Variants in ETNK1 observed in about 807,000 individuals in gnomAD.
ETNK1 encodes ethanolamine kinase 1.
ETNK1 carries 8 observed loss-of-function variants against 45.1 expected under a neutral mutation model. That is an observed-to-expected ratio of 0.18 (90% confidence interval 0.10 to 0.32). ETNK1 has a LOEUF of 0.32. Ranked by LOEUF, ETNK1 falls within the 10% of genes least tolerant of loss-of-function variation. The probability of loss-of-function intolerance (pLI) is 1.00; values close to 1 mark genes in which losing one functional copy is unlikely to be tolerated. For synonymous variants in ETNK1, 152 were observed against 151.9 expected, an observed-to-expected ratio of 1.00 and a Z score of -0.01; for missense variants, 302 against 430.6, an observed-to-expected ratio of 0.70 and a Z score of 2.64.
At chr12:22,637,456 T>C (rs1953670273) in intron 1 of ETNK1, among the ~76,000 whole-genome samples, 1 of 152,180 alleles carries the variant, frequency 6.6e-6, no homozygotes, top group Non-Finnish European at 1.5e-5. Context: ...TTAGAATTCT[T>C]TGTTCAAGTA....
At chr12:22,655,576 A>G (rs1249244068) in intron 2 of ETNK1, among the ~76,000 whole-genome samples, 1 of 152,124 alleles carries the variant, frequency 6.6e-6, no homozygotes, top group African/African-American at 2.4e-5. Flanking sequence ...ACCTCAGGTG[A>G]TCTACCTGCC....
At chr12:22,661,505 T>C (rs1953998805) in intron 4 of ETNK1, among the ~76,000 whole-genome samples, 1 of 152,194 alleles carries the variant, frequency 6.6e-6, no homozygotes, top group South Asian at 2.1e-4. Flanking sequence ...GCAAAACTTA[T>C]TTGGTTATTC....
At chr12:22,682,303 T>C (rs753692682) in intron 6 of ETNK1, 2 of 495,134 alleles carry the variant, frequency 4.0e-6, no homozygotes, top group Non-Finnish European at 8.0e-6. Context: ...AATTTTATCA[T>C]TGGCAACAAA....
In ETNK1 at chr12:22,689,401, C is replaced by A. The variant is rs774826485; in HGVS notation, c.*4447C>A. 6.6e-6 allele frequency: 1 copy of A among 151,834 alleles called. No individual in the cohort carries two copies. The highest frequency in any genetic ancestry group is 1.5e-5 in the Non-Finnish European group (1 of 67,788). The allele number at this position is 151,834 out of a possible 1,614,324, so 9.4% of individuals were successfully genotyped here. ...GGGTTAAAAATATTGTATCTGTATT[C>A]ATTGTGAATCCTGTAGCTTTTCTAG... On this transcript the variant is annotated 3_prime_UTR_variant, in exon 8 of 8. Coordinates refer to ENST00000266517, the MANE Select transcript of ETNK1 (RefSeq NM_018638.5).
chr12:22,684,592 C>T, intron 7 of ETNK1, 36 bp downstream of exon 7: 1 of 1,341,692 alleles, frequency 7.5e-7, no homozygotes, highest in Non-Finnish European at 1.1e-6. Context: ...ACATTGGTCT[C>T]TGCTTTTGTT....
At chr12:22,659,743 T>G (rs1319189370) in intron 3 of ETNK1, among the ~76,000 whole-genome samples, 1 of 152,132 alleles carries the variant, frequency 6.6e-6, no homozygotes, top group East Asian at 1.9e-4. Flanking sequence ...GCTGCTGTTT[T>G]AAAAATTACT....
chr12:22,673,736 A>G, intron 6 of ETNK1, 76 bp downstream of exon 6: 1 of 1,368,368 alleles, frequency 7.3e-7, no homozygotes, highest in Non-Finnish European at 1.0e-6. Flanking sequence ...GTCATCTTAG[A>G]CAATTTCCTA....
intron 2 of ETNK1, among the ~76,000 whole-genome samples, chr12:22,653,681 A>G (rs1276325553): frequency 1.3e-5 from 2 of 152,010 alleles, no homozygotes; most frequent in Non-Finnish European, 2.9e-5. Context: ...AGTGCAACTG[A>G]TTTTTGCGTA....
chr12:22,687,132 T>G lies in ETNK1; in HGVS notation c.*2178T>G, dbSNP rs1954266955. Reference sequence around the variant, plus strand: ...AGCTCTGGGACTATGCAGTGGATCTTGGGAACAAAATAAGATATCTAATCT... The same window carrying G: ...AGCTCTGGGACTATGCAGTGGATCTGGGGAACAAAATAAGATATCTAATCT... On this transcript the variant is annotated 3_prime_UTR_variant, in exon 8 of 8. Transcript: ENST00000266517. 6.6e-6 allele frequency: 1 copy of G among 151,746 alleles called. No individual in the cohort carries two copies. Among genetic ancestry groups the G allele is most frequent in the South Asian group, 2.1e-4 (1 of 4,818 alleles). The allele number at this position is 151,746 out of a possible 1,614,324, so 9.4% of individuals were successfully genotyped here.
At chr12:22,671,649 T>C (rs1284650628) in intron 5 of ETNK1, among the ~76,000 whole-genome samples, 9 of 151,886 alleles carry the variant, frequency 5.9e-5, no homozygotes, top group East Asian at 1.9e-4. Context: ...CCATCCTGGC[T>C]AACACGGTGA....
At chr12:22,668,939 GTATT>G (rs1954080150) in intron 4 of ETNK1, among the ~76,000 whole-genome samples, 1 of 152,042 alleles carries the variant, frequency 6.6e-6, no homozygotes, top group Non-Finnish European at 1.5e-5. Flanking sequence ...CATTTTAACT[GTATT>G]TGCCAAATTC....
chr12:22,634,999 A>C lies in ETNK1; in HGVS notation c.157-8764A>C, dbSNP rs1953636406. Among the ~76,000 whole-genome samples, 4 of 152,216 alleles carry C rather than the reference A, an allele frequency of 2.6e-5. 1 individual carries two copies. The South Asian group carries it at 8.3e-4, about 32-fold the overall frequency. ...TGGAAGCACTAATTTTTTGCCTTTT[A>C]AATTTCTATTATTCATTACATGTCT... On this transcript the variant is annotated intron_variant, in intron 1 of 7. Transcript: ENST00000266517.
At chr12:22,632,802 T>C (rs1017731139) in intron 1 of ETNK1, among the ~76,000 whole-genome samples, 8 of 152,138 alleles carry the variant, frequency 5.3e-5, no homozygotes, top group Admixed American at 5.2e-4. Context: ...GTGCCTTGTA[T>C]CAGTGTTTTG....
Position 22,686,453 on chromosome 12 carries a change from A to C in ETNK1, c.*1499A>C, listed in dbSNP as rs774323107. The C allele has an allele frequency of 2.6e-5, 4 of 152,378 alleles. No homozygotes were observed. The highest frequency in any genetic ancestry group is 1.3e-4 in the Admixed American group (2 of 15,238). 9.4% of individuals were successfully genotyped at this position (152,378 alleles called of 1,614,324 possible). On this transcript the variant is annotated 3_prime_UTR_variant, in exon 8 of 8. Coordinates refer to ENST00000266517, the MANE Select transcript of ETNK1 (RefSeq NM_018638.5). ...CTCTGAGAAATCTTCTGAGGAGTCT[A>C]ATGTATTCCAAATGACTTAATATTC...
chr12:22,663,760 A>G (rs1445544220), intron 4 of ETNK1, among the ~76,000 whole-genome samples: 1 of 151,002 alleles, frequency 6.6e-6, no homozygotes, highest in Admixed American at 6.6e-5. Context: ...ATTTTTTAGA[A>G]TTTGCCTTTT....
chr12:22,671,034 T>A, intron 4 of ETNK1: 1 of 379,142 alleles, frequency 2.6e-6, no homozygotes, highest in East Asian at 4.9e-5. Context: ...CATTTTTCTT[T>A]AAAAAAGTGG....
intron 2 of ETNK1, chr12:22,656,921 C>A: frequency 1.8e-6 from 1 of 558,934 alleles, no homozygotes; most frequent in Non-Finnish European, 2.3e-6. Context: ...TCATGTAACA[C>A]AGATTGTATC....
rs1372471538 is a variant in ETNK1 at position 22,687,185 on chromosome 12, T to C, written c.*2231T>C. ...TTTCCCCATTCTGGCTAGATTTTGG[T>C]TGTTGTGATGCTCCTACTTCCTGTA... On this transcript the variant is annotated 3_prime_UTR_variant, in exon 8 of 8. Coordinates refer to ENST00000266517, the MANE Select transcript of ETNK1 (RefSeq NM_018638.5). 2.0e-5 allele frequency: 3 copies of C among 151,906 alleles called. No homozygotes were observed. Among genetic ancestry groups the C allele is most frequent in the Non-Finnish European group, 4.4e-5 (3 of 67,742 alleles). The allele number at this position is 151,906 out of a possible 1,614,324, so 9.4% of individuals were successfully genotyped here.
intron 2 of ETNK1, among the ~76,000 whole-genome samples, chr12:22,653,489 T>C (rs1169133352): frequency 1.3e-5 from 2 of 152,288 alleles, no homozygotes; most frequent in Non-Finnish European, 2.9e-5. Context: ...TCCATGAACA[T>C]GGGGTGTCTT....
Sources: allele counts gnomAD v4.1 joint callset (sites outside exome capture counted in the v4.1 genomes callset), GRCh38; gene constraint gnomAD v4.1.1; transcripts MANE v1.5; gene names NCBI Gene and HGNC (gene_info 2026-07-23, HGNC 2026-07-21).